Variants in PTPRD observed in about 807,000 individuals in gnomAD.
PTPRD encodes receptor-type tyrosine-protein phosphatase delta.
In PTPRD, 34 loss-of-function variants were observed where a neutral mutation model predicts 214.5. The ratio of observed to expected loss-of-function variants is 0.16; its 90% confidence interval spans 0.12 to 0.21. PTPRD has a LOEUF of 0.21. PTPRD is among the 10% of genes least tolerant of loss of function. The probability of loss-of-function intolerance (pLI) is 1.00; values close to 1 mark genes in which losing one functional copy is unlikely to be tolerated. For synonymous variants in PTPRD, 1,128 were observed against 845.7 expected (o/e 1.33, Z -5.79); for missense variants, 2,545 against 2,398.7 (o/e 1.06, Z -1.27).
intron 7 of PTPRD, among the ~76,000 whole-genome samples, chr9:9,714,828 T>G (rs929850043): frequency 6.6e-6 from 1 of 152,118 alleles, no homozygotes; most frequent in Non-Finnish European, 1.5e-5. Context: ...TTTAGCAGGG[T>G]AGATGCTCAA....
chr9:9,948,600 A>G (rs2093081373), intron 4 of PTPRD, among the ~76,000 whole-genome samples: 1 of 152,110 alleles, frequency 6.6e-6, no homozygotes, highest in Non-Finnish European at 1.5e-5. Context: ...TGATGACACA[A>G]TATTCTGCAA....
chr9:9,816,715 C>T (rs1332010322), intron 5 of PTPRD, among the ~76,000 whole-genome samples: 1 of 151,934 alleles, frequency 6.6e-6, no homozygotes, highest in Non-Finnish European at 1.5e-5. Context: ...TGCCTTACCC[C>T]AAAATATCAC....
intron 2 of PTPRD, among the ~76,000 whole-genome samples, chr9:10,598,472 G>T (rs1320849768): frequency 6.6e-6 from 1 of 151,674 alleles, no homozygotes; most frequent in African/African-American, 2.4e-5. Context: ...ATATGTTTAG[G>T]TTATTCTGTG....
chr9:10,016,397 A>ATAGG (rs1567109864), intron 4 of PTPRD, among the ~76,000 whole-genome samples: 7 of 145,150 alleles, frequency 4.8e-5, no homozygotes, highest in South Asian at 4.3e-4. Context: ...AGATAGATAG[A>ATAGG]CAGATAGATA....
chr9:9,219,790 A>G (rs1192126863), intron 9 of PTPRD, among the ~76,000 whole-genome samples: 1 of 152,166 alleles, frequency 6.6e-6, no homozygotes, highest in Non-Finnish European at 1.5e-5. Flanking sequence ...AGTTCTACAC[A>G]TGGCGGACAG....
At chr9:10,166,035 T>C (rs182231699) in intron 3 of PTPRD, among the ~76,000 whole-genome samples, 115 of 149,866 alleles carry the variant, frequency 7.7e-4, no homozygotes, top group African/African-American at 2.7e-3. Context: ...ATATATATTA[T>C]GCATTATATA....
chr9:10,314,696 G>GTA (rs1023022555), intron 3 of PTPRD, among the ~76,000 whole-genome samples: 7 of 151,856 alleles, frequency 4.6e-5, no homozygotes, highest in African/African-American at 1.7e-4. Flanking sequence ...ATAATCATGA[G>GTA]TATACATCAT....
intron 10 of PTPRD, among the ~76,000 whole-genome samples, chr9:9,099,464 AC>A (rs750281538): frequency 2.0e-4 from 30 of 152,154 alleles, no homozygotes; most frequent in Non-Finnish European, 4.0e-4. Flanking sequence ...AGATTATTTT[AC>A]AAGGCGATAC....
Position 9,472,070 on chromosome 9 carries a change from G to A in PTPRD, c.-236-74588C>T, listed in dbSNP as rs557647806. Reference sequence around the variant, plus strand: ...AGTGGTATATTGACAGATATAAGATGGTGATCTATGCCAATATTTTAAATT... The same window carrying A: ...AGTGGTATATTGACAGATATAAGATAGTGATCTATGCCAATATTTTAAATT... On this transcript the variant is annotated intron_variant, in intron 8 of 45. Transcript: ENST00000381196. Among the ~76,000 whole-genome samples, 4 of 151,884 alleles carry A rather than the reference G, an allele frequency of 2.6e-5. No individual in the cohort carries two copies. The South Asian group carries it at 8.3e-4, about 32-fold the overall frequency.
chr9:9,905,313 T>G (rs1246109890), intron 5 of PTPRD, among the ~76,000 whole-genome samples: 1 of 151,972 alleles, frequency 6.6e-6, no homozygotes, highest in East Asian at 1.9e-4. Flanking sequence ...AGAATTATAT[T>G]TCAGGTAGAG....
intron 2 of PTPRD, among the ~76,000 whole-genome samples, chr9:10,436,907 T>C (rs1322875047): frequency 1.3e-5 from 2 of 151,784 alleles, no homozygotes; most frequent in Non-Finnish European, 2.9e-5. Flanking sequence ...CGGAACTAAA[T>C]ATGTACTAAA....
chr9:10,155,770 AATC>A (rs1226540481), intron 3 of PTPRD, among the ~76,000 whole-genome samples: 3 of 152,168 alleles, frequency 2.0e-5, no homozygotes, highest in Non-Finnish European at 2.9e-5. Context: ...ATATTGAACC[AATC>A]TTGCATCCCA....
intron 36 of PTPRD, among the ~76,000 whole-genome samples, chr9:8,395,152 C>T (rs1352848867): frequency 6.6e-6 from 1 of 152,084 alleles, no homozygotes; most frequent in Non-Finnish European, 1.5e-5. Flanking sequence ...AAAGAAATTG[C>T]TTTTTGGCAA....
At chr9:10,453,186 T>G (rs2098859806) in intron 2 of PTPRD, among the ~76,000 whole-genome samples, 1 of 151,814 alleles carries the variant, frequency 6.6e-6, no homozygotes, top group African/African-American at 2.4e-5. Flanking sequence ...TGTGTCTGTT[T>G]TCATACCAAT....
At chr9:8,439,281 A>G (rs1014197099) in intron 34 of PTPRD, among the ~76,000 whole-genome samples, 1 of 152,178 alleles carries the variant, frequency 6.6e-6, no homozygotes, top group Non-Finnish European at 1.5e-5. Flanking sequence ...AAGCGCCTTG[A>G]TTTCTTTAAC....
chr9:9,767,945 G>C (rs1017708648), intron 5 of PTPRD, among the ~76,000 whole-genome samples: 1 of 152,094 alleles, frequency 6.6e-6, no homozygotes, highest in Non-Finnish European at 1.5e-5. Flanking sequence ...AAGGAAATCA[G>C]GTTACTGTGT....
intron 3 of PTPRD, among the ~76,000 whole-genome samples, chr9:10,200,875 C>A (rs1296721642): frequency 6.6e-6 from 1 of 151,904 alleles, no homozygotes; most frequent in Non-Finnish European, 1.5e-5. Context: ...CTAAGAAGAA[C>A]CAGGAAACTA....
At chr9:10,444,723 T>C (rs1186407961) in intron 2 of PTPRD, among the ~76,000 whole-genome samples, 4 of 151,778 alleles carry the variant, frequency 2.6e-5, no homozygotes, top group South Asian at 2.1e-4. Flanking sequence ...AAAGACCTAA[T>C]AGAAATTTCC....
intron 12 of PTPRD, among the ~76,000 whole-genome samples, chr9:8,679,418 C>T (rs2097505791): frequency 6.6e-6 from 1 of 152,162 alleles, no homozygotes; most frequent in Non-Finnish European, 1.5e-5. Context: ...ACTTCATATT[C>T]ACTGTGATTA....
Sources: allele counts gnomAD v4.1 joint callset (sites outside exome capture counted in the v4.1 genomes callset), GRCh38; gene constraint gnomAD v4.1.1; transcripts MANE v1.5; gene names NCBI Gene and HGNC (gene_info 2026-07-23, HGNC 2026-07-21).